Variants in AMMECR1 observed in about 807,000 individuals in gnomAD.
The protein encoded by AMMECR1 is nuclear protein AMMECR1.
AMMECR1 carries 3 observed loss-of-function variants against 22.5 expected under a neutral mutation model. The observed-to-expected ratio is 0.13, with a 90% confidence interval of 0.06 to 0.35. AMMECR1 has a LOEUF of 0.35. AMMECR1 is among the 10% of genes least tolerant of loss of function. AMMECR1 has a pLI of 1.00. For missense variants in AMMECR1, 235 were observed against 278.7 expected (o/e 0.84, Z 1.12); for synonymous variants, 130 against 116.7 (o/e 1.11, Z -0.74).
rs761495191 is a variant in AMMECR1, at chrX:110,307,958, C to T, written c.473+9641G>A. Reference sequence around the variant, plus strand: ...GATCACGGCTCACTGCACCCTCGACCTCCTGGGTTCAAGCAATCCTCCTGC... The same window carrying T: ...GATCACGGCTCACTGCACCCTCGACTTCCTGGGTTCAAGCAATCCTCCTGC... On this transcript the variant is annotated intron_variant, in intron 1 of 5. Coordinates refer to ENST00000262844, the MANE Select transcript of AMMECR1 (RefSeq NM_015365.3). 1.9e-4 allele frequency among the ~76,000 whole-genome samples: 20 copies of T among 105,177 alleles called. No individual in the cohort carries two copies. In the Admixed American group the frequency reaches 2.0e-3, roughly 11 times the overall value. 91.3% of individuals were successfully genotyped at this position (105,177 alleles called of 115,157 possible).
chrX:110,415,826 C>A (rs1165633774), intron 2 of AMMECR1, among the ~76,000 whole-genome samples: 1 of 111,070 alleles, frequency 9.0e-6, no homozygotes. Context: ...GTCAGGTTTG[C>A]TGAGTGGGGA....
chrX:110,302,599 G>A (rs759596317), intron 1 of AMMECR1, among the ~76,000 whole-genome samples: 21 of 111,620 alleles, frequency 1.9e-4, no homozygotes, highest in Admixed American at 3.8e-4. Flanking sequence ...TAGGCCAGGC[G>A]CGGTGACTCA....
intron 2 of AMMECR1, among the ~76,000 whole-genome samples, chrX:110,346,438 G>A (rs905822256): frequency 3.6e-5 from 4 of 112,123 alleles, no homozygotes; most frequent in Non-Finnish European, 5.6e-5. Context: ...TCACTAATAT[G>A]ATATTGCTAA....
At position 110,276,338 on chromosome X, in the gene AMMECR1, A is replaced by C. The variant is rs749384919; in HGVS notation, c.474-11739T>G. Among the ~76,000 whole-genome samples, 12 of 111,680 alleles carry C rather than the reference A, an allele frequency of 1.1e-4. No homozygotes were observed. The East Asian group carries it at 1.4e-3, about 13-fold the overall frequency. Reference sequence around the variant, plus strand: ...TAAAGTCCTTGTCTGCTAATTCTATAACCATCATTTCTGGTTCTGTTTCTA... The same window carrying C: ...TAAAGTCCTTGTCTGCTAATTCTATCACCATCATTTCTGGTTCTGTTTCTA... On this transcript the variant is annotated intron_variant, in intron 1 of 5. Transcript: ENST00000262844.
At chrX:110,309,340 T>A (rs2068013489) in intron 1 of AMMECR1, 1 of 112,263 alleles carries the variant, frequency 8.9e-6, no homozygotes, top group Non-Finnish European at 1.9e-5. Context: ...AATATGTTAC[T>A]AAAGTTGTAT....
chrX:110,342,113 A>T (rs891794774), intron 2 of AMMECR1, among the ~76,000 whole-genome samples: 3 of 111,292 alleles, frequency 2.7e-5, no homozygotes, highest in Non-Finnish European at 5.7e-5. Flanking sequence ...TTTAGTAAAT[A>T]AAAAAAACTT....
chrX:110,417,218 C>A lies in AMMECR1; in HGVS notation c.-148+9440G>T, dbSNP rs756028737. Among the ~76,000 whole-genome samples the A allele has an allele frequency of 7.1e-5, 8 of 112,291 alleles. No homozygotes were observed. The East Asian group carries it at 2.2e-3, about 31-fold the overall frequency. ...CTCATTCCCCAGAGCCAGGCCTAGA[C>A]AATGGCGGCTGCTCAGCTTGGAGGG... is the stretch of plus-strand genomic sequence containing the variant. On this transcript the variant is annotated intron_variant, in intron 2 of 7. Coordinates refer to the AMMECR1 transcript ENST00000372057.
intron 2 of AMMECR1, among the ~76,000 whole-genome samples, chrX:110,220,693 A>G (rs2067495626): frequency 8.9e-6 from 1 of 112,096 alleles, no homozygotes; most frequent in Non-Finnish European, 1.9e-5. Context: ...TTTAGTTCAC[A>G]TATCAAATTC....
intron 2 of AMMECR1, among the ~76,000 whole-genome samples, chrX:110,261,100 C>G (rs1421749885): frequency 9.0e-6 from 1 of 110,812 alleles, no homozygotes; most frequent in African/African-American, 3.3e-5. Flanking sequence ...GAAAAACGTT[C>G]TGGAGATGGA....
intron 2 of AMMECR1, among the ~76,000 whole-genome samples, chrX:110,347,957 A>T (rs1174402717): frequency 3.6e-5 from 4 of 112,525 alleles, no homozygotes; most frequent in South Asian, 3.7e-4. Flanking sequence ...GCACACAGAC[A>T]GTTTGGACCT....
At chrX:110,279,500 A>C (rs1461353485) in intron 1 of AMMECR1, among the ~76,000 whole-genome samples, 1 of 111,957 alleles carries the variant, frequency 8.9e-6, no homozygotes. Flanking sequence ...GTGATTCAAT[A>C]AAAGGTAGCT....
chrX:110,307,939 G>A (rs1569403190), intron 1 of AMMECR1, among the ~76,000 whole-genome samples: 1 of 98,500 alleles, frequency 1.0e-5, no homozygotes, highest in Non-Finnish European at 2.0e-5. Flanking sequence ...GTGTGATCAC[G>A]GCTCACTGCA....
intron 2 of AMMECR1, among the ~76,000 whole-genome samples, chrX:110,421,619 T>C (rs947145379): frequency 8.9e-6 from 1 of 112,774 alleles, no homozygotes; most frequent in Non-Finnish European, 1.9e-5. Flanking sequence ...AGGCAATGAG[T>C]AACATTGATT....
chrX:110,295,511 T>C (rs1411132435), intron 1 of AMMECR1, among the ~76,000 whole-genome samples: 1 of 111,940 alleles, frequency 8.9e-6, no homozygotes, highest in Admixed American at 9.5e-5. Context: ...ATTTTCTCTG[T>C]ATTTTATTGA....
chrX:110,195,774 AT>A lies in AMMECR1; in HGVS notation c.*2745del, dbSNP rs778628141. 8.9e-6 allele frequency: 1 copy of A among 112,563 alleles called. No individual in the cohort carries two copies. The highest frequency in any genetic ancestry group is 1.9e-5 in the Non-Finnish European group (1 of 53,315). The allele number at this position is 112,563 out of a possible 1,213,427, so 9.3% of individuals were successfully genotyped here. A position where few individuals can be genotyped will look rare whatever the true frequency, so the allele number is the denominator to read the frequency against. On this transcript the variant is annotated 3_prime_UTR_variant, in exon 6 of 6. Transcript: ENST00000262844. ...ACATATTTCAACATGTTCAAAGTTA[AT>A]TCATACCACATAATTAACAGCTTTG...
At chrX:110,288,951 C>T (rs1488004636) in intron 1 of AMMECR1, among the ~76,000 whole-genome samples, 3 of 111,965 alleles carry the variant, frequency 2.7e-5, no homozygotes, top group Non-Finnish European at 5.6e-5. Flanking sequence ...ACTCTTCTCT[C>T]TCTTGATTCA....
chrX:110,417,014 C>T (rs929825795), intron 2 of AMMECR1, among the ~76,000 whole-genome samples: 4 of 112,356 alleles, frequency 3.6e-5, no homozygotes, highest in South Asian at 3.7e-4. Context: ...CGCTGGGTGG[C>T]GAAGGGCTTT....
At chrX:110,354,265 C>T (rs774922383) in intron 2 of AMMECR1, among the ~76,000 whole-genome samples, 6 of 111,837 alleles carry the variant, frequency 5.4e-5, no homozygotes, top group East Asian at 2.8e-4. Context: ...CAACATACAG[C>T]GAGCCCTCTG....
chrX:110,295,686 CA>C (rs1451285366), intron 1 of AMMECR1, among the ~76,000 whole-genome samples: 1 of 111,582 alleles, frequency 9.0e-6, no homozygotes, highest in Non-Finnish European at 1.9e-5. Flanking sequence ...AGCTAACTAC[CA>C]ATTCTTTATT....
Sources: gnomAD v4.1 joint callset for allele counts (sites outside exome capture counted in the v4.1 genomes callset) on GRCh38, gnomAD v4.1.1 for gene constraint, MANE v1.5 for transcripts, NCBI Gene and HGNC (gene_info 2026-07-23, HGNC 2026-07-21) for gene names.